The following LRRTM4 variants were observed in gnomAD, a reference collection of about 807,000 sequenced individuals.
The protein encoded by LRRTM4 is leucine rich repeat transmembrane neuronal 4.
LRRTM4 carries 25 observed loss-of-function variants against 47.6 expected under a neutral mutation model. That is an observed-to-expected ratio of 0.53 (90% CI 0.38 to 0.73). LRRTM4 has a LOEUF of 0.73. LRRTM4 is among the 30% of genes least tolerant of loss of function. The pLI, the probability that LRRTM4 is intolerant of heterozygous loss-of-function variation, is 0.00. For synonymous variants in LRRTM4, 311 were observed against 269.5 expected, an observed-to-expected ratio of 1.15 and a Z score of -1.51; for missense variants, 638 against 713.4, an observed-to-expected ratio of 0.89 and a Z score of 1.20.
At chr2:77,036,467 TC>T (rs2104159795) in intron 3 of LRRTM4, among the ~76,000 whole-genome samples, 1 of 151,816 alleles carries the variant, frequency 6.6e-6, no homozygotes, top group African/African-American at 2.4e-5. Context: ...AGATATCTCA[TC>T]CTTTACAGAA....
chr2:77,013,509 A>T (rs1409669279), intron 3 of LRRTM4, among the ~76,000 whole-genome samples: 11 of 150,022 alleles, frequency 7.3e-5, no homozygotes, highest in Non-Finnish European at 1.2e-4. Flanking sequence ...ACACTGTTAA[A>T]AAAAAAAAAA....
At chr2:76,886,453 T>C (rs915195730) in intron 3 of LRRTM4, among the ~76,000 whole-genome samples, 1 of 152,126 alleles carries the variant, frequency 6.6e-6, no homozygotes, top group Non-Finnish European at 1.5e-5. Flanking sequence ...TAAGTGAACA[T>C]TTCCATGATT....
intron 3 of LRRTM4, among the ~76,000 whole-genome samples, chr2:76,803,994 C>T (rs1333430814): frequency 2.0e-5 from 3 of 152,180 alleles, no homozygotes. Context: ...TGTCACAACT[C>T]ATTGCTTGAG....
intron 3 of LRRTM4, among the ~76,000 whole-genome samples, chr2:77,060,580 T>A (rs1679754595): frequency 6.6e-6 from 1 of 152,138 alleles, no homozygotes; most frequent in African/African-American, 2.4e-5. Flanking sequence ...AATAGATAAT[T>A]TAACAATTAT....
At chr2:77,265,227 G>T (rs1222719733) in intron 3 of LRRTM4, among the ~76,000 whole-genome samples, 2 of 152,088 alleles carry the variant, frequency 1.3e-5, no homozygotes, top group African/African-American at 4.8e-5. Context: ...TCATATTTGA[G>T]AAGGAATCAG....
intron 3 of LRRTM4, among the ~76,000 whole-genome samples, chr2:76,812,757 C>CCTCTCCCTCCCCCCT (rs1670777400): frequency 1.0e-5 from 1 of 100,424 alleles, no homozygotes; most frequent in Non-Finnish European, 2.0e-5. Context: ...CTCCCTCCTT[C>CCTCTCCCTCCCCCCT]TCCTCCTCCT....
At chr2:77,140,880 A>T (rs1007847137) in intron 3 of LRRTM4, among the ~76,000 whole-genome samples, 1 of 152,248 alleles carries the variant, frequency 6.6e-6, no homozygotes. Context: ...AATGCTCATC[A>T]TCACTGGCCA....
At chr2:77,245,243 G>T (rs538353368) in intron 3 of LRRTM4, among the ~76,000 whole-genome samples, 1 of 152,062 alleles carries the variant, frequency 6.6e-6, no homozygotes, top group South Asian at 2.1e-4. Context: ...TGTTCTTGAA[G>T]TTAGAAGTTA....
chr2:77,111,508 G>A (rs4853295), intron 3 of LRRTM4, among the ~76,000 whole-genome samples: 69,668 of 151,698 alleles, frequency 0.46, 16,535 homozygotes, highest in Admixed American at 0.54. Context: ...TTAAATAAAA[G>A]ATTCCAGAAA....
intron 3 of LRRTM4, among the ~76,000 whole-genome samples, chr2:77,355,828 C>T (rs902130495): frequency 3.9e-5 from 6 of 152,174 alleles, no homozygotes; most frequent in African/African-American, 1.4e-4. Flanking sequence ...CACAGTGGCT[C>T]ATTCCTGTAA....
intron 3 of LRRTM4, among the ~76,000 whole-genome samples, chr2:77,455,124 G>T (rs573529670): frequency 6.6e-6 from 1 of 152,240 alleles, no homozygotes; most frequent in African/African-American, 2.4e-5. Context: ...GGAGGCAGAG[G>T]TTGCAGTGAG....
At chr2:77,167,151 G>C (rs938480195) in intron 3 of LRRTM4, among the ~76,000 whole-genome samples, 20 of 151,990 alleles carry the variant, frequency 1.3e-4, no homozygotes, top group Non-Finnish European at 1.5e-4. Flanking sequence ...AGGATATGAA[G>C]AGACACTTCT....
intron 3 of LRRTM4, chr2:76,987,458 G>T (rs1415827602): frequency 6.6e-6 from 1 of 151,874 alleles, no homozygotes; most frequent in East Asian, 1.9e-4. Context: ...CCAAGGGAAT[G>T]CTCAGAAATA....
At chr2:76,785,173 T>C (rs1335713920) in intron 3 of LRRTM4, among the ~76,000 whole-genome samples, 1 of 152,148 alleles carries the variant, frequency 6.6e-6, no homozygotes, top group Non-Finnish European at 1.5e-5. Context: ...TGTGTTTGTA[T>C]TGGCATTTGC....
chr2:76,807,650 G>T (rs139235738), intron 3 of LRRTM4, among the ~76,000 whole-genome samples: 2 of 145,728 alleles, frequency 1.4e-5, no homozygotes, highest in Non-Finnish European at 3.0e-5. Flanking sequence ...GGAGTGCAAC[G>T]GTGCGATCTC....
chr2:77,388,280 T>G (rs959444908), intron 3 of LRRTM4, among the ~76,000 whole-genome samples: 3 of 152,116 alleles, frequency 2.0e-5, no homozygotes, highest in Non-Finnish European at 4.4e-5. Flanking sequence ...TATCATCTAG[T>G]CCAAATCCCT....
intron 3 of LRRTM4, among the ~76,000 whole-genome samples, chr2:77,166,104 G>A (rs1250812285): frequency 1.3e-5 from 2 of 152,170 alleles, no homozygotes; most frequent in Admixed American, 1.3e-4. Flanking sequence ...AGCAACTTCA[G>A]CAAAGTCTCA....
At chr2:76,832,977 T>C (rs1671397245) in intron 3 of LRRTM4, among the ~76,000 whole-genome samples, 1 of 152,084 alleles carries the variant, frequency 6.6e-6, no homozygotes, top group Non-Finnish European at 1.5e-5. Flanking sequence ...AGACACACTT[T>C]TGCACTATTA....
At chr2:77,393,866 T>TTACAA (rs1673597820) in intron 3 of LRRTM4, among the ~76,000 whole-genome samples, 1 of 152,018 alleles carries the variant, frequency 6.6e-6, no homozygotes, top group Non-Finnish European at 1.5e-5. Context: ...AGTCCAGGGT[T>TTACAA]GCCAGATTTA....
Sources: allele counts gnomAD v4.1 joint callset (sites outside exome capture counted in the v4.1 genomes callset), GRCh38; gene constraint gnomAD v4.1.1; transcripts MANE v1.5; gene names NCBI Gene and HGNC (gene_info 2026-07-23, HGNC 2026-07-21).